ZNF721: variants seen among roughly 807,000 people sequenced by gnomAD.
ZNF721 encodes the protein zinc finger protein 721.
In ZNF721, 2 loss-of-function variants were observed where a neutral mutation model predicts 2.4. The observed-to-expected ratio is 0.82, with a 90% CI of 0.34 to 2.58. The LOEUF is 2.58. Among genes scored for constraint, ZNF721 ranks in the 30% most tolerant of loss-of-function variants. ZNF721 has a pLI of 0.11. For missense variants in ZNF721, 1,187 were observed against 1,085.5 expected, an observed-to-expected ratio of 1.09 and a Z score of -1.31; for synonymous variants, 398 against 381.8, an observed-to-expected ratio of 1.04 and a Z score of -0.50.
In ZNF721 at chr4:442,013, A is replaced by C; in HGVS notation, c.2454T>G (p.Phe818Leu). Residue 818 changes from phenylalanine to leucine, a missense_variant, in exon 3 of 3, where the codon TTT becomes TTG. By Grantham distance (22) the Phe-to-Leu change is conservative. Coordinates refer to ENST00000511833, the MANE Select transcript of ZNF721 (RefSeq NM_133474.4). The part of the protein sequence containing the change: ...PFKCLECGKA[F>L]TSSTTLTKHR... ...GTTTAGTAAGGGTTGTGGAACTAGTAAACGCTTTACCACATTCTAAACATT... is the reference window on the plus strand; with the variant it reads ...GTTTAGTAAGGGTTGTGGAACTAGTCAACGCTTTACCACATTCTAAACATT... 1 of 1,614,002 alleles carries C rather than the reference A, an allele frequency of 6.2e-7. No individual in the cohort carries two copies. Among genetic ancestry groups the C allele is most frequent in the African/African-American group, 1.3e-5 (1 of 75,034 alleles).
At chr4:479,187 T>A (rs1306337199) in intron 1 of ZNF721, among the ~76,000 whole-genome samples, 1 of 152,214 alleles carries the variant, frequency 6.6e-6, no homozygotes, top group Non-Finnish European at 1.5e-5. Flanking sequence ...AGCTGCTGCT[T>A]CTTCCATTTC....
Position 442,260 on chromosome 4 carries a change from C to T in ZNF721, c.2207G>A (p.Trp736Ter), listed in dbSNP as rs781857764. 3.7e-6 allele frequency: 6 copies of T among 1,613,024 alleles called. No homozygotes were observed. The highest frequency in any genetic ancestry group is 5.1e-6 in the Non-Finnish European group (6 of 1,179,358). ...CTTATATTCGTTCAGGTTTGTGGAC[C>T]ATCCAAAGGATCTGCCACGATCTTC... ...KCEDRGRSFGWSTNLNEYKKI... is the reference protein window; with the variant it reads ...KCEDRGRSFG Residue 736 changes from tryptophan (W) to a stop codon, truncating the protein, a stop_gained, in exon 3 of 3, where the codon TGG (tryptophan) becomes TAG (stop). Transcript: ENST00000511833. LOFTEE classifies it low-confidence loss of function (END_TRUNC).
At chr4:493,663 A>G (rs1019894175) in intron 1 of ZNF721, among the ~76,000 whole-genome samples, 1 of 141,894 alleles carries the variant, frequency 7.0e-6, no homozygotes, top group Non-Finnish European at 1.5e-5. Context: ...TGGGCAACAG[A>G]GGAAGATTCC....
chr4:475,044 G>T (rs555896716), intron 1 of ZNF721, among the ~76,000 whole-genome samples: 1 of 150,870 alleles, frequency 6.6e-6, no homozygotes, highest in Admixed American at 6.6e-5. Flanking sequence ...AAAATTAGCC[G>T]GGCGTGGTGG....
At chr4:466,566 A>G (rs1715257845) in intron 2 of ZNF721, among the ~76,000 whole-genome samples, 2 of 152,238 alleles carry the variant, frequency 1.3e-5, no homozygotes, top group African/African-American at 4.8e-5. Context: ...AGCCATTACC[A>G]CTACCAAAGA....
intron 1 of ZNF721, chr4:474,124 G>C (rs541418192): frequency 9.4e-7 from 1 of 1,068,348 alleles, no homozygotes; most frequent in South Asian, 1.3e-5. Flanking sequence ...GGCCCTAACC[G>C]AGCTCAGGCT....
chr4:453,411 T>C (rs1714735871), intron 2 of ZNF721: 1 of 152,252 alleles, frequency 6.6e-6, no homozygotes, highest in African/African-American at 2.4e-5. Context: ...CCATTATCAC[T>C]GTTCTCCATG....
chr4:495,218 A>C (rs1716119104), intron 1 of ZNF721, among the ~76,000 whole-genome samples: 1 of 151,784 alleles, frequency 6.6e-6, no homozygotes, highest in Non-Finnish European at 1.5e-5. Context: ...TTGTGTGTCT[A>C]AACTACATAC....
chr4:465,782 C>CAAAAA lies in ZNF721; in HGVS notation c.34+6788_34+6792dup. ...GATATTTTATGTCTCTTGGAAATTA[C>CAAAAA]AAAAAAAAAACAAAACAAAACTGTA... On this transcript the variant is annotated intron_variant, in intron 2 of 2. Transcript: ENST00000511833. Among the ~76,000 whole-genome samples, 2 of 130,710 alleles carry CAAAAA rather than the reference C, an allele frequency of 1.5e-5. 1 individual carries two copies. The allele number at this position is 130,710 out of a possible 152,430, so 85.8% of individuals were successfully genotyped here.
rs185334799 is a variant in ZNF721 at position 447,869 on chromosome 4, A to T, written c.35-3437T>A. Among the ~76,000 whole-genome samples the T allele has an allele frequency of 7.5e-3, 1,149 of 152,364 alleles. 17 individuals carry two copies. The highest frequency in any genetic ancestry group is 0.025 in the African/African-American group (1,053 of 41,590). On this transcript the variant is annotated intron_variant, in intron 2 of 2. Coordinates refer to ENST00000511833, the MANE Select transcript of ZNF721 (RefSeq NM_133474.4). ...CGACAAATGTGTGTATACATATGTTAATGTGTCTGTTTGTGTGTGTCCCAC... is the reference window on the plus strand; with the variant it reads ...CGACAAATGTGTGTATACATATGTTTATGTGTCTGTTTGTGTGTGTCCCAC...
In ZNF721 at chr4:444,383, T is replaced by C; in HGVS notation, c.84A>G (p.Glu28=). 1.2e-6 allele frequency: 2 copies of C among 1,611,028 alleles called. No homozygotes were observed. The highest frequency in any genetic ancestry group is 1.7e-6 in the Non-Finnish European group (2 of 1,178,480). Reference sequence around the variant, plus strand: ...TCAGTATAAGTTTGTGGAATGAATCTTCTATCCCCTGCACTGGCAAAAAGT... The same window carrying C: ...TCAGTATAAGTTTGTGGAATGAATCCTCTATCCCCTGCACTGGCAAAAAGT... ...TQDFLPVQGI[E]DSFHKLILRR... is the part of the protein sequence containing the mutation. The change falls in exon 3 of 3, where the codon GAA becomes GAG. Residue 28 remains glutamate (E), a synonymous_variant. Transcript: ENST00000511833.
intron 2 of ZNF721, chr4:454,025 G>A (rs1327233731): frequency 6.6e-6 from 1 of 152,090 alleles, no homozygotes; most frequent in Non-Finnish European, 1.5e-5. Flanking sequence ...GTTCCTCTGG[G>A]TTTCTCCCAC....
At chr4:457,251 T>C (rs533271349) in intron 2 of ZNF721, among the ~76,000 whole-genome samples, 1 of 152,188 alleles carries the variant, frequency 6.6e-6, no homozygotes, top group African/African-American at 2.4e-5. Context: ...CACAGTAAGA[T>C]GGCAGGAGGT....
Position 444,438 on chromosome 4 carries a change from AG to A in ZNF721, c.35-7del. 1 of 1,555,536 alleles carries A rather than the reference AG, an allele frequency of 6.4e-7. No homozygotes were observed. Among genetic ancestry groups the A allele is most frequent in the Non-Finnish European group, 8.7e-7 (1 of 1,155,460 alleles). ...GGTGAAATGAGAACACATAGCTGAA[AG>A]AAACAAAAATAACAAATTATCCCAG... On this transcript the variant is annotated splice_polypyrimidine_tract_variant and splice_region_variant and intron_variant, in intron 2 of 2. Coordinates refer to ENST00000511833, the MANE Select transcript of ZNF721 (RefSeq NM_133474.4).
chr4:485,116 G>A (rs1444723501), intron 1 of ZNF721, among the ~76,000 whole-genome samples: 4 of 152,084 alleles, frequency 2.6e-5, no homozygotes, highest in African/African-American at 7.2e-5. Flanking sequence ...TCAGTGATCT[G>A]CCTGCCTCGG....
chr4:466,862 A>C (rs925272922), intron 2 of ZNF721, among the ~76,000 whole-genome samples: 8 of 152,204 alleles, frequency 5.3e-5, no homozygotes, highest in Admixed American at 3.3e-4. Context: ...TCCAAACCAT[A>C]TTACTTACAA....
At chr4:479,276 G>A (rs1715715243) in intron 1 of ZNF721, among the ~76,000 whole-genome samples, 1 of 152,172 alleles carries the variant, frequency 6.6e-6, no homozygotes, top group South Asian at 2.1e-4. Context: ...GAAACCATTG[G>A]ATCTTCTGAC....
At chr4:473,597 T>G (rs1018550897) in intron 1 of ZNF721, among the ~76,000 whole-genome samples, 1 of 152,296 alleles carries the variant, frequency 6.6e-6, no homozygotes, top group Admixed American at 6.5e-5. Flanking sequence ...GAGTCCCCGT[T>G]TGCTCACATG....
intron 2 of ZNF721, among the ~76,000 whole-genome samples, chr4:456,412 T>C (rs1264824246): frequency 6.6e-6 from 1 of 152,212 alleles, no homozygotes; most frequent in East Asian, 1.9e-4. Context: ...GCAATATTTA[T>C]AAAGGCAAAC....
Sources: allele counts gnomAD v4.1 joint callset (sites outside exome capture counted in the v4.1 genomes callset), GRCh38; gene constraint gnomAD v4.1.1; transcripts MANE v1.5; gene names NCBI Gene and HGNC (gene_info 2026-07-23, HGNC 2026-07-21).